OXTR: variants seen among roughly 807,000 people sequenced by gnomAD.
OXTR encodes oxytocin receptor.
In OXTR, 19 loss-of-function variants were observed where a neutral mutation model predicts 23.9. That is an observed-to-expected ratio of 0.80 (90% CI 0.56 to 1.17). The LOEUF is 1.17. Among genes scored for constraint, OXTR ranks in the 50% most tolerant of loss-of-function variants. OXTR has a pLI of 0.00. For synonymous variants in OXTR, 278 were observed against 250.5 expected, an observed-to-expected ratio of 1.11 and a Z score of -1.04; for missense variants, 500 against 550.7, an observed-to-expected ratio of 0.91 and a Z score of 0.92.
the OXTR span, chr3:8,742,638 C>A: frequency 4.7e-6 from 2 of 422,558 alleles, no homozygotes; most frequent in Admixed American, 2.5e-5. Flanking sequence ...GCAATATTAC[C>A]ATCACAATAG....
intron 3 of OXTR, among the ~76,000 whole-genome samples, chr3:8,754,616 A>C (rs1247985726): frequency 6.6e-6 from 1 of 152,238 alleles, no homozygotes; most frequent in Non-Finnish European, 1.5e-5. Context: ...GATGTTTGTC[A>C]GCGAAGTCTT....
chr3:8,765,042 C>A (rs1708573451), intron 3 of OXTR, among the ~76,000 whole-genome samples: 1 of 152,220 alleles, frequency 6.6e-6, no homozygotes, highest in Admixed American at 6.5e-5. Flanking sequence ...AAGGTCTGGT[C>A]CCCAGGAAAA....
intron 3 of OXTR, among the ~76,000 whole-genome samples, chr3:8,764,476 G>A (rs183037119): frequency 5.3e-4 from 81 of 152,298 alleles, no homozygotes; most frequent in African/African-American, 1.7e-3. Context: ...CCACTTTTCC[G>A]ATAATAACCT....
chr3:8,761,505 C>G (rs1253237893), intron 3 of OXTR, among the ~76,000 whole-genome samples: 3 of 151,510 alleles, frequency 2.0e-5, no homozygotes, highest in South Asian at 4.2e-4. Context: ...CCTGGGGCGG[C>G]AGGGGTTGGG....
At chr3:8,765,480 G>C (rs1216198508) in intron 3 of OXTR, among the ~76,000 whole-genome samples, 1 of 152,216 alleles carries the variant, frequency 6.6e-6, no homozygotes, top group Non-Finnish European at 1.5e-5. Flanking sequence ...GGGGAATAAA[G>C]AGATCTCTCA....
chr3:8,763,844 G>C (rs1161377396), intron 3 of OXTR, among the ~76,000 whole-genome samples: 1 of 152,138 alleles, frequency 6.6e-6, no homozygotes, highest in Non-Finnish European at 1.5e-5. Context: ...ACCAGGTGTA[G>C]AGCTTGTCTA....
At chr3:8,745,463 A>G (rs1207471819), downstream of OXTR, 31 of 1,324,330 alleles carry the variant, frequency 2.3e-5, 1 homozygote, top group Non-Finnish European at 3.0e-5. The surrounding 1 kb of genome is among the most constrained non-coding windows in gnomAD (Gnocchi z 4.8). Context: ...GCACGCACAC[A>G]CCCAAAAGCT....
rs569450467 is a variant in OXTR, at chr3:8,756,414, A to G, written c.923-3190T>C. 2.0e-5 allele frequency among the ~76,000 whole-genome samples: 3 copies of G among 152,264 alleles called. No individual in the cohort carries two copies. The South Asian group carries it at 6.2e-4, about 32-fold the overall frequency. On this transcript the variant is annotated intron_variant, in intron 3 of 3. Transcript: ENST00000316793. ...CAAGTCACCCTGTGTTCATACATAA[A>G]AGTAATGAAGACTGATTCCTTTTAA... is the stretch of plus-strand genomic sequence containing the variant.
chr3:8,745,875 T>C (rs773251730), downstream of OXTR: 3 of 1,607,088 alleles, frequency 1.9e-6, no homozygotes, highest in Non-Finnish European at 1.7e-6. This position sits in a 1 kb window ranked among gnomAD's most constrained non-coding sequence, Gnocchi z 4.8. Context: ...TAAAGCCAGG[T>C]GGGGCAACAG....
chr3:8,750,530 C>A lies in OXTR; in HGVS notation c.*2447G>T, dbSNP rs1312258289. ...AAAGAAACCCCAAACCCTTAGTAGT[C>A]ATGCCTCATCTCTCACAGCCTCCAG... On this transcript the variant is annotated 3_prime_UTR_variant, in exon 4 of 4. Coordinates refer to ENST00000316793, the MANE Select transcript of OXTR (RefSeq NM_000916.4). 1 of 152,220 alleles carries A rather than the reference C, an allele frequency of 6.6e-6. No individual in the cohort carries two copies. Among genetic ancestry groups the A allele is most frequent in the East Asian group, 1.9e-4 (1 of 5,206 alleles). 9.4% of individuals were successfully genotyped at this position (152,220 alleles called of 1,614,324 possible).
rs1029688269 is a variant in OXTR at position 8,768,380 on chromosome 3, C to A, written c.-142-51G>T. 1 of 902,852 alleles carries A rather than the reference C, an allele frequency of 1.1e-6. No homozygotes were observed. The highest frequency in any genetic ancestry group is 1.4e-6 in the Non-Finnish European group (1 of 696,144). 55.9% of individuals were successfully genotyped at this position (902,852 alleles called of 1,614,324 possible). A position where few individuals can be genotyped will look rare whatever the true frequency, so the allele number is the denominator to read the frequency against. On this transcript the variant is annotated intron_variant, in intron 2 of 3. Transcript: ENST00000316793. The surrounding 1 kb of genome is among the most constrained non-coding windows in gnomAD (Gnocchi z 5.4). The stretch of plus-strand genomic sequence containing the variant: ...GGAGACCGCCGCGTTTCTCTTCCGA[C>A]GCGGGTAGGGCGTGCTTGTCCCATT...
chr3:8,759,728 G>A (rs542517923), intron 3 of OXTR, among the ~76,000 whole-genome samples: 2 of 152,328 alleles, frequency 1.3e-5, no homozygotes, highest in South Asian at 2.1e-4. Flanking sequence ...GACATGGGCC[G>A]GGAGGGCAGA....
Position 8,752,938 on chromosome 3 carries a change from C to A in OXTR, c.*39G>T. The stretch of plus-strand genomic sequence containing the variant: ...GAGCAGAGCACTTATGCCAGCACAG[C>A]CTGAGCCTCAGGCTGCAGCCCTGGC... On this transcript the variant is annotated 3_prime_UTR_variant, in exon 4 of 4. Coordinates refer to ENST00000316793, the MANE Select transcript of OXTR (RefSeq NM_000916.4). 6.3e-7 allele frequency: 1 copy of A among 1,586,352 alleles called. No individual in the cohort carries two copies. Among genetic ancestry groups the A allele is most frequent in the Admixed American group, 1.7e-5 (1 of 57,700 alleles).
Position 8,751,829 on chromosome 3 carries a change from C to T in OXTR, c.*1148G>A, listed in dbSNP as rs1259831821. On this transcript the variant is annotated 3_prime_UTR_variant, in exon 4 of 4. Transcript: ENST00000316793. ...CCACCAACTTTGTTCTTTTTCAAGG[C>T]TTATTTGGATATTCTGGGTCCCTTG... 1.3e-5 allele frequency: 2 copies of T among 152,182 alleles called. No homozygotes were observed. The highest frequency in any genetic ancestry group is 6.5e-5 in the Admixed American group (1 of 15,286). 9.4% of individuals were successfully genotyped at this position (152,182 alleles called of 1,614,324 possible). A position where few individuals can be genotyped will look rare whatever the true frequency, so the allele number is the denominator to read the frequency against.
chr3:8,749,773 T>G (rs904245589), downstream of OXTR, among the ~76,000 whole-genome samples: 2 of 152,226 alleles, frequency 1.3e-5, no homozygotes, highest in African/African-American at 4.8e-5. Flanking sequence ...GACATTTCAG[T>G]GCAAGCCTCT....
downstream of OXTR, chr3:8,746,007 G>A: frequency 1.5e-6 from 1 of 665,556 alleles, no homozygotes; most frequent in South Asian, 2.0e-5. Context: ...ACACGGTGTA[G>A]GGAAGCCAGA....
At chr3:8,744,445 A>AT in the OXTR span, among the ~76,000 whole-genome samples, 2,400 of 111,364 alleles carry the variant, frequency 0.022, 27 homozygotes, top group East Asian at 0.07. Context: ...TACCCGGCTA[A>AT]TTTTTTTTTT....
At chr3:8,759,894 C>A (rs1708451322) in intron 3 of OXTR, among the ~76,000 whole-genome samples, 1 of 152,204 alleles carries the variant, frequency 6.6e-6, no homozygotes, top group South Asian at 2.1e-4. Flanking sequence ...CCTGGTTACA[C>A]CTCTCTCCCA....
rs7628496 is a variant in OXTR, at chr3:8,768,390, G to A, written c.-142-61C>T. 5.5e-3 allele frequency: 4,637 copies of A among 840,826 alleles called. 174 individuals carry two copies. In the African/African-American group the frequency reaches 0.076, roughly 14 times the overall value. 52.1% of individuals were successfully genotyped at this position (840,826 alleles called of 1,614,324 possible). A position where few individuals can be genotyped will look rare whatever the true frequency, so the allele number is the denominator to read the frequency against. On this transcript the variant is annotated intron_variant, in intron 2 of 3. Coordinates refer to ENST00000316793, the MANE Select transcript of OXTR (RefSeq NM_000916.4). The surrounding 1 kb of genome is among the most constrained non-coding windows in gnomAD (Gnocchi z 5.4). ...GCGTTTCTCTTCCGACGCGGGTAGG[G>A]CGTGCTTGTCCCATTCCCAGGAACC...
Sources: gnomAD v4.1 joint callset for allele counts (sites outside exome capture counted in the v4.1 genomes callset) on GRCh38, gnomAD v4.1.1 for gene constraint, Gnocchi (gnomAD v3.1) non-coding constraint, MANE v1.5 for transcripts, NCBI Gene and HGNC (gene_info 2026-07-23, HGNC 2026-07-21) for gene names.